Variants in SSBP2 observed in about 807,000 individuals in gnomAD.
SSBP2 encodes the protein single-stranded DNA-binding protein 2.
In SSBP2, 17 loss-of-function variants were observed where a neutral mutation model predicts 61.8. That is an observed-to-expected ratio of 0.28 (90% CI 0.19 to 0.41). SSBP2 has a LOEUF of 0.41. SSBP2 is among the 10% of genes least tolerant of loss of function. The pLI is 1.00. For synonymous variants in SSBP2, 139 were observed against 141.3 expected, an observed-to-expected ratio of 0.98 and a Z score of 0.12; for missense variants, 310 against 458.7, an observed-to-expected ratio of 0.68 and a Z score of 2.96.
rs552519746 is a variant in SSBP2, at chr5:81,619,631, C to G, written c.198-4074G>C. The stretch of plus-strand genomic sequence containing the variant: ...GGCCAGCATCATTCTGATACCAAAG[C>G]CGGGCAGAGACACAACCAAAAAAGA... On this transcript the variant is annotated intron_variant, in intron 3 of 16. Transcript: ENST00000320672. 6.4e-5 allele frequency among the ~76,000 whole-genome samples: 9 copies of G among 140,742 alleles called. 1 individual carries two copies. In the East Asian group the frequency reaches 1.9e-3, roughly 30 times the overall value. 92.3% of individuals were successfully genotyped at this position (140,742 alleles called of 152,430 possible).
At chr5:81,661,951 T>C (rs770219982) in intron 1 of SSBP2, among the ~76,000 whole-genome samples, 90 of 152,226 alleles carry the variant, frequency 5.9e-4, no homozygotes, top group Non-Finnish European at 1.0e-3. Context: ...TATGTTTTCT[T>C]CTAGTAGCTT....
intron 1 of SSBP2, among the ~76,000 whole-genome samples, chr5:81,748,714 A>G (rs1404079757): frequency 6.6e-6 from 1 of 152,224 alleles, no homozygotes; most frequent in Non-Finnish European, 1.5e-5. Context: ...ATATATTTAA[A>G]TCAAATAGCA....
chr5:81,508,983 GAA>G (rs1179561972), intron 5 of SSBP2, among the ~76,000 whole-genome samples: 1 of 152,078 alleles, frequency 6.6e-6, no homozygotes, highest in African/African-American at 2.4e-5. Flanking sequence ...CATTTACTAA[GAA>G]TATAAGTTTA....
At chr5:81,569,963 GCTA>G (rs1773714055) in intron 4 of SSBP2, among the ~76,000 whole-genome samples, 1 of 151,978 alleles carries the variant, frequency 6.6e-6, no homozygotes, top group Non-Finnish European at 1.5e-5. Context: ...CCCTTGACTG[GCTA>G]GTTTTATCTT....
intron 4 of SSBP2, among the ~76,000 whole-genome samples, chr5:81,563,672 A>G (rs1773215593): frequency 6.6e-6 from 1 of 152,190 alleles, no homozygotes; most frequent in Non-Finnish European, 1.5e-5. Flanking sequence ...AGAGTCTTCT[A>G]TAAATAGTGC....
At chr5:81,745,099 G>T (rs569165709) in intron 1 of SSBP2, among the ~76,000 whole-genome samples, 1 of 152,192 alleles carries the variant, frequency 6.6e-6, no homozygotes, top group South Asian at 2.1e-4. Flanking sequence ...AATCAGAAAT[G>T]TTAAAGTTAT....
chr5:81,433,970 T>C (rs1762508793), intron 15 of SSBP2, among the ~76,000 whole-genome samples: 1 of 152,244 alleles, frequency 6.6e-6, no homozygotes, highest in South Asian at 2.1e-4. Context: ...AGTGTCTGTA[T>C]AGCACTTCAT....
chr5:81,440,431 G>C, intron 14 of SSBP2, 127 bp downstream of exon 14: 3 of 674,258 alleles, frequency 4.4e-6, no homozygotes, highest in Non-Finnish European at 7.7e-6. Context: ...ATCTGTATGA[G>C]GTAAAAGTTG....
intron 2 of SSBP2, among the ~76,000 whole-genome samples, chr5:81,640,136 G>A (rs1171915956): frequency 6.6e-6 from 1 of 152,104 alleles, no homozygotes; most frequent in Non-Finnish European, 1.5e-5. Flanking sequence ...GATCACCTGA[G>A]GTCAGGAGTT....
intron 4 of SSBP2, among the ~76,000 whole-genome samples, chr5:81,554,521 A>T (rs1772448162): frequency 6.6e-6 from 1 of 151,632 alleles, no homozygotes; most frequent in African/African-American, 2.4e-5. Context: ...CACTATGTAT[A>T]TCCACATATA....
intron 4 of SSBP2, among the ~76,000 whole-genome samples, chr5:81,553,677 T>A (rs1412003454): frequency 6.6e-6 from 1 of 152,126 alleles, no homozygotes; most frequent in East Asian, 1.9e-4. Context: ...AATATCATCA[T>A]CAGGGCAGCA....
intron 3 of SSBP2, among the ~76,000 whole-genome samples, chr5:81,634,558 T>C (rs958388621): frequency 4.6e-5 from 7 of 152,234 alleles, no homozygotes; most frequent in Admixed American, 2.6e-4. Context: ...TTACAGAGTT[T>C]TACTCTTTTC....
chr5:81,620,427 A>G (rs1405851047), intron 3 of SSBP2, among the ~76,000 whole-genome samples: 1 of 151,878 alleles, frequency 6.6e-6, no homozygotes, highest in Non-Finnish European at 1.5e-5. Context: ...AAGGAGAACC[A>G]CAAACCACTG....
intron 4 of SSBP2, among the ~76,000 whole-genome samples, chr5:81,521,046 A>G (rs1184336056): frequency 6.6e-6 from 1 of 152,064 alleles, no homozygotes; most frequent in Non-Finnish European, 1.5e-5. Context: ...TTATGGCTAT[A>G]TTTTATTTAA....
chr5:81,690,599 TAGAG>T (rs1168823286), intron 1 of SSBP2, among the ~76,000 whole-genome samples: 4 of 152,210 alleles, frequency 2.6e-5, no homozygotes, highest in African/African-American at 4.8e-5. Context: ...TTATTAGAGT[TAGAG>T]AGATAAACCC....
At position 81,418,889 on chromosome 5, in the gene SSBP2, A is replaced by G. The variant is rs1761439551; in HGVS notation, c.*1615T>C. ...TTCACTTTAGAGACTATAAGCCTAA[A>G]GGAAAGAGAAGATTCCTCTTACCTG... is the stretch of plus-strand genomic sequence containing the variant. On this transcript the variant is annotated 3_prime_UTR_variant, in exon 17 of 17. Coordinates refer to ENST00000320672, the MANE Select transcript of SSBP2 (RefSeq NM_012446.5). 7 of 152,212 alleles carry G rather than the reference A, an allele frequency of 4.6e-5. No homozygotes were observed. In the South Asian group the frequency reaches 1.4e-3, roughly 31 times the overall value. The allele number at this position is 152,212 out of a possible 1,614,324, so 9.4% of individuals were successfully genotyped here.
chr5:81,592,337 GCTGGTAAGCTCAAA>G (rs1383398458), intron 4 of SSBP2, among the ~76,000 whole-genome samples: 1 of 152,252 alleles, frequency 6.6e-6, no homozygotes, highest in East Asian at 1.9e-4. Flanking sequence ...AAACAAAGCG[GCTGGTAAGCTCAAA>G]CTGGGTGGAG....
At chr5:81,464,927 A>T (rs906301437) in intron 9 of SSBP2, among the ~76,000 whole-genome samples, 1 of 152,012 alleles carries the variant, frequency 6.6e-6, no homozygotes, top group African/African-American at 2.4e-5. Context: ...AGCTTACCCT[A>T]TTGAGTGCAA....
intron 1 of SSBP2, among the ~76,000 whole-genome samples, chr5:81,737,533 A>G (rs1291853135): frequency 2.0e-5 from 3 of 152,188 alleles, no homozygotes; most frequent in East Asian, 3.9e-4. Flanking sequence ...CTGTAATCCC[A>G]GCACTTTGGG....
Sources: allele counts gnomAD v4.1 joint callset (sites outside exome capture counted in the v4.1 genomes callset), GRCh38; gene constraint gnomAD v4.1.1; transcripts MANE v1.5; gene names NCBI Gene and HGNC (gene_info 2026-07-23, HGNC 2026-07-21).